Variants in BMPR1B observed in about 807,000 individuals in gnomAD.
The protein encoded by BMPR1B is bone morphogenetic protein receptor type 1B.
In BMPR1B, 12 loss-of-function variants were observed where a neutral mutation model predicts 59.1. That is an observed-to-expected ratio of 0.20 (90% CI 0.13 to 0.33). The LOEUF (loss-of-function observed/expected upper bound fraction) is 0.33. Ranked by LOEUF, BMPR1B falls within the 10% of genes least tolerant of loss-of-function variation. The pLI is 1.00. For synonymous variants in BMPR1B, 237 were observed against 207.3 expected, an observed-to-expected ratio of 1.14 and a Z score of -1.23; for missense variants, 550 against 610.9, an observed-to-expected ratio of 0.90 and a Z score of 1.05.
At chr4:94,763,355 C>G (rs1283640915) in intron 1 of BMPR1B, among the ~76,000 whole-genome samples, 1 of 152,190 alleles carries the variant, frequency 6.6e-6, no homozygotes, top group Non-Finnish European at 1.5e-5. Flanking sequence ...CCGCCCCTTG[C>G]AAAGTGCTAG....
intron 3 of BMPR1B, among the ~76,000 whole-genome samples, chr4:95,040,775 C>T (rs13103406): frequency 0.28 from 42,324 of 151,972 alleles, 6,621 homozygotes; most frequent in South Asian, 0.43. Flanking sequence ...TCCTTACAAG[C>T]GGGACAAATG....
chr4:95,085,381 C>T (rs1729500167), intron 3 of BMPR1B, among the ~76,000 whole-genome samples: 2 of 152,130 alleles, frequency 1.3e-5, no homozygotes, highest in Admixed American at 1.3e-4. Flanking sequence ...ACATTTCACA[C>T]CTGCTGTTTC....
chr4:94,897,815 T>G (rs777058897), intron 2 of BMPR1B, among the ~76,000 whole-genome samples: 3 of 151,978 alleles, frequency 2.0e-5, no homozygotes, highest in Non-Finnish European at 4.4e-5. Context: ...GAGAGGAACA[T>G]CTTAATTTAT....
At position 95,155,177 on chromosome 4, in the gene BMPR1B, C is replaced by T. The variant is rs1707514693; in HGVS notation, c.*504C>T. 6.1e-6 allele frequency: 1 copy of T among 164,844 alleles called. No homozygotes were observed. The highest frequency in any genetic ancestry group is 1.6e-4 in the South Asian group (1 of 6,234). The allele number at this position is 164,844 out of a possible 1,614,324, so 10.2% of individuals were successfully genotyped here. ...CTAAGTTGGAGGACATAGAACGGAACTCATCTTAAACATACTCCCCACCCC... is the reference window on the plus strand; with the variant it reads ...CTAAGTTGGAGGACATAGAACGGAATTCATCTTAAACATACTCCCCACCCC... On this transcript the variant is annotated 3_prime_UTR_variant, in exon 13 of 13. Transcript: ENST00000515059.
intron 1 of BMPR1B, among the ~76,000 whole-genome samples, chr4:94,825,088 A>G (rs889891362): frequency 2.6e-5 from 4 of 152,236 alleles, no homozygotes; most frequent in African/African-American, 9.6e-5. Flanking sequence ...TAGAAGCTCA[A>G]TAATGTCATT....
chr4:95,026,097 CATTT>C lies in BMPR1B; in HGVS notation c.-18+29964_-18+29967del, dbSNP rs1171364619. On this transcript the variant is annotated intron_variant, in intron 3 of 12. Transcript: ENST00000515059. ...CTTGGCTGGCTGGATTGCTTTCTTT[CATTT>C]CTTTCTTTCTTTCTTTCTTTCTTTC... Among the ~76,000 whole-genome samples, 4 of 23,916 alleles carry C rather than the reference CATTT, an allele frequency of 1.7e-4. No homozygotes were observed. In the East Asian group the frequency reaches 3.1e-3, roughly 18 times the overall value. The allele number at this position is 23,916 out of a possible 152,430, so 15.7% of individuals were successfully genotyped here. A position where few individuals can be genotyped will look rare whatever the true frequency, so the allele number is the denominator to read the frequency against.
intron 2 of BMPR1B, among the ~76,000 whole-genome samples, chr4:94,947,637 TAGAC>T (rs999259364): frequency 2.0e-5 from 3 of 152,352 alleles, no homozygotes; most frequent in African/African-American, 2.4e-5. Flanking sequence ...AAGCGTTTGC[TAGAC>T]AGACAGGATT....
chr4:94,886,459 A>G (rs917292318), intron 2 of BMPR1B, among the ~76,000 whole-genome samples: 6 of 152,214 alleles, frequency 3.9e-5, no homozygotes, highest in Admixed American at 3.3e-4. Context: ...GTTGAGCTCT[A>G]CAAATACTGC....
At chr4:95,097,370 TTC>T (rs1386598947) in intron 3 of BMPR1B, among the ~76,000 whole-genome samples, 1 of 151,906 alleles carries the variant, frequency 6.6e-6, no homozygotes, top group Non-Finnish European at 1.5e-5. Flanking sequence ...AGGGTAATTT[TTC>T]TCTGTTTTTT....
At chr4:94,786,647 T>C (rs1337795283) in intron 1 of BMPR1B, among the ~76,000 whole-genome samples, 1 of 152,142 alleles carries the variant, frequency 6.6e-6, no homozygotes, top group Admixed American at 6.5e-5. Context: ...CACACCATTC[T>C]CCTGCCTCAG....
intron 1 of BMPR1B, among the ~76,000 whole-genome samples, chr4:94,866,040 T>G (rs1338619105): frequency 6.6e-6 from 1 of 152,180 alleles, no homozygotes; most frequent in Admixed American, 6.5e-5. Context: ...TAGAGGGGAA[T>G]GCATGGATTG....
At chr4:94,931,932 G>A (rs901820691) in intron 2 of BMPR1B, among the ~76,000 whole-genome samples, 2 of 152,210 alleles carry the variant, frequency 1.3e-5, no homozygotes, top group Admixed American at 6.6e-5. Context: ...GGGGGATGGC[G>A]AGAAGCAGAA....
At chr4:94,819,252 C>A (rs1454387358) in intron 1 of BMPR1B, among the ~76,000 whole-genome samples, 1 of 152,048 alleles carries the variant, frequency 6.6e-6, no homozygotes, top group African/African-American at 2.4e-5. Context: ...ATTTCTCCCT[C>A]TTTTTTCCTA....
chr4:95,042,319 T>A (rs540627380), intron 3 of BMPR1B, among the ~76,000 whole-genome samples: 21 of 152,232 alleles, frequency 1.4e-4, no homozygotes, highest in African/African-American at 5.1e-4. Flanking sequence ...AAATTGAGAG[T>A]CAGAGATAAT....
At chr4:95,053,598 G>A (rs917722736) in intron 3 of BMPR1B, among the ~76,000 whole-genome samples, 2 of 151,994 alleles carry the variant, frequency 1.3e-5, no homozygotes, top group African/African-American at 2.4e-5. Context: ...GCTGTTGTTA[G>A]TATCATTATT....
intron 1 of BMPR1B, among the ~76,000 whole-genome samples, chr4:94,824,138 C>A (rs1724303833): frequency 1.3e-5 from 2 of 152,204 alleles, no homozygotes. Context: ...TTTAATTGAT[C>A]TAATTCAAGC....
chr4:94,993,632 A>AAC, intron 2 of BMPR1B, among the ~76,000 whole-genome samples: 1 of 152,046 alleles, frequency 6.6e-6, no homozygotes, highest in East Asian at 1.9e-4. Flanking sequence ...ATGGTGGCAC[A>AAC]TGCCTGTTGT....
chr4:94,889,015 A>T (rs1727290415), intron 2 of BMPR1B, among the ~76,000 whole-genome samples: 5 of 151,946 alleles, frequency 3.3e-5, no homozygotes, highest in Admixed American at 3.3e-4. Flanking sequence ...AGGTTTTAAG[A>T]GTCTTATTTT....
chr4:94,762,624 A>T (rs1307642348), intron 1 of BMPR1B, among the ~76,000 whole-genome samples: 1 of 152,200 alleles, frequency 6.6e-6, no homozygotes, highest in Non-Finnish European at 1.5e-5. Context: ...ATTTTATTCA[A>T]AGTACATTCT....
Sources: allele counts gnomAD v4.1 joint callset (sites outside exome capture counted in the v4.1 genomes callset), GRCh38; gene constraint gnomAD v4.1.1; transcripts MANE v1.5; gene names NCBI Gene and HGNC (gene_info 2026-07-23, HGNC 2026-07-21).